ZNF266: variants seen among roughly 807,000 people sequenced by gnomAD.
ZNF266 encodes zinc finger protein 1.
A neutral mutation model predicts 16.4 loss-of-function variants in ZNF266; 16 were observed. The ratio of observed to expected loss-of-function variants is 0.98; its 90% CI spans 0.66 to 1.48. ZNF266 has a LOEUF of 1.48. Ranked by LOEUF, ZNF266 falls within the 40% of genes most tolerant of loss-of-function variation. The pLI is 0.00. For synonymous variants in ZNF266, 262 were observed against 237.9 expected (o/e 1.10, Z -0.93); for missense variants, 738 against 689.1 (o/e 1.07, Z -0.79).
chr19:9,414,684 TAAC>T lies in ZNF266; in HGVS notation c.439_441del (p.Val147del). On this transcript the variant is annotated inframe_deletion, in exon 11 of 11. Coordinates refer to ENST00000592904, the MANE Select transcript of ZNF266 (RefSeq NM_001370374.1). Reference sequence around the variant, plus strand: ...TCACTGGAGACATCTCCACATTGCTTAACATCACTGACCTCCCCTCCGTTGTGG... The same window carrying T: ...TCACTGGAGACATCTCCACATTGCTTATCACTGACCTCCCCTCCGTTGTGG... The T allele has an allele frequency of 6.3e-7, 1 of 1,588,390 alleles. No homozygotes were observed. The highest frequency in any genetic ancestry group is 8.6e-7 in the Non-Finnish European group (1 of 1,160,500).
intron 5 of ZNF266, among the ~76,000 whole-genome samples, chr19:9,430,671 A>G (rs528345771): frequency 2.6e-5 from 4 of 152,294 alleles, no homozygotes; most frequent in African/African-American, 9.6e-5. Context: ...TGTTTGTGAC[A>G]TAGCCTACTT....
chr19:9,427,877 T>A (rs2070995399), intron 5 of ZNF266, among the ~76,000 whole-genome samples: 1 of 152,206 alleles, frequency 6.6e-6, no homozygotes, highest in Non-Finnish European at 1.5e-5. Flanking sequence ...TATCTTTTAG[T>A]AATTTTTGGG....
intron 9 of ZNF266, among the ~76,000 whole-genome samples, chr19:9,416,566 G>T (rs1233891897): frequency 6.8e-6 from 1 of 146,988 alleles, no homozygotes; most frequent in Non-Finnish European, 1.5e-5. Flanking sequence ...GTTTCAGCAT[G>T]TTGGCCATGC....
chr19:9,423,841 C>T lies in ZNF266; in HGVS notation c.-129-3623G>A, dbSNP rs563022861. On this transcript the variant is annotated intron_variant, in intron 5 of 10. Coordinates refer to ENST00000592904, the MANE Select transcript of ZNF266 (RefSeq NM_001370374.1). ...TGAAACCCCGTCTCTACTAAAAACA[C>T]GAAAAATTAGCTGGGCGTGGTGACA... Among the ~76,000 whole-genome samples the T allele has an allele frequency of 5.9e-5, 9 of 152,118 alleles. No individual in the cohort carries two copies. In the South Asian group the frequency reaches 6.2e-4, roughly 11 times the overall value.
chr19:9,428,557 T>C (rs2071112327), intron 5 of ZNF266, among the ~76,000 whole-genome samples: 1 of 152,194 alleles, frequency 6.6e-6, no homozygotes, highest in Non-Finnish European at 1.5e-5. Flanking sequence ...TTAGCCAGGA[T>C]GTCCCTAATA....
At chr19:9,421,849 CTTTCTTTT>C (rs1450699904) in intron 5 of ZNF266, among the ~76,000 whole-genome samples, 1 of 28,484 alleles carries the variant, frequency 3.5e-5, no homozygotes, top group Non-Finnish European at 7.8e-5. Flanking sequence ...GCAACAAAAC[CTTTCTTTT>C]TTTTTTTCTT....
intron 5 of ZNF266, among the ~76,000 whole-genome samples, chr19:9,433,098 T>A (rs1178574460): frequency 1.3e-5 from 2 of 152,218 alleles, no homozygotes; most frequent in African/African-American, 2.4e-5. Flanking sequence ...ATCTTTGGCA[T>A]GTGGGAAGAA....
chr19:9,431,577 G>A (rs1394356937), intron 5 of ZNF266, among the ~76,000 whole-genome samples: 1 of 152,160 alleles, frequency 6.6e-6, no homozygotes, highest in South Asian at 2.1e-4. Flanking sequence ...GTGCCCCAGA[G>A]GTGTGTTTGT....
chr19:9,432,226 T>G (rs1195128579), intron 5 of ZNF266, among the ~76,000 whole-genome samples: 2 of 152,242 alleles, frequency 1.3e-5, no homozygotes, highest in Non-Finnish European at 2.9e-5. Context: ...CCCAAAGTGT[T>G]GGGATTACAG....
intron 5 of ZNF266, among the ~76,000 whole-genome samples, chr19:9,429,759 C>T (rs1361979611): frequency 6.6e-6 from 1 of 152,102 alleles, no homozygotes; most frequent in Non-Finnish European, 1.5e-5. Context: ...AATGTGCACA[C>T]CCACATACCC....
At chr19:9,420,015 G>C (rs2069623019) in intron 6 of ZNF266, 50 bp downstream of exon 6, 2 of 153,092 alleles carry the variant, frequency 1.3e-5, no homozygotes, top group African/African-American at 4.8e-5. Flanking sequence ...ACTGTGTGGG[G>C]GGGGACACCT....
In ZNF266 at chr19:9,412,597, A is replaced by C. The variant is rs1164762150; in HGVS notation, c.*678T>G. Reference sequence around the variant, plus strand: ...GCTGTACAAAATAACAGACTGAATGATTTAACCAAGAGAAATTTATTGCCT... The same window carrying C: ...GCTGTACAAAATAACAGACTGAATGCTTTAACCAAGAGAAATTTATTGCCT... On this transcript the variant is annotated 3_prime_UTR_variant, in exon 11 of 11. Coordinates refer to ENST00000592904, the MANE Select transcript of ZNF266 (RefSeq NM_001370374.1). 6.6e-6 allele frequency: 1 copy of C among 152,236 alleles called. No individual in the cohort carries two copies. The highest frequency in any genetic ancestry group is 1.5e-5 in the Non-Finnish European group (1 of 68,058). The allele number at this position is 152,236 out of a possible 1,614,324, so 9.4% of individuals were successfully genotyped here. A position where few individuals can be genotyped will look rare whatever the true frequency, so the allele number is the denominator to read the frequency against.
At chr19:9,432,086 G>T (rs1014685116) in intron 5 of ZNF266, among the ~76,000 whole-genome samples, 21 of 152,090 alleles carry the variant, frequency 1.4e-4, no homozygotes, top group Admixed American at 5.9e-4. Context: ...CTCTCAAGTG[G>T]CTGGGATTAC....
intron 5 of ZNF266, among the ~76,000 whole-genome samples, chr19:9,423,728 G>A (rs772697021): frequency 9.9e-5 from 15 of 152,160 alleles, no homozygotes; most frequent in Non-Finnish European, 1.8e-4. Context: ...AGGCGCGGTG[G>A]CTCATGCCTG....
intron 5 of ZNF266, among the ~76,000 whole-genome samples, chr19:9,424,018 AT>A (rs897528339): frequency 7.9e-5 from 12 of 152,130 alleles, no homozygotes; most frequent in Admixed American, 2.6e-4. Context: ...AAAAAATAGA[AT>A]TGATGGGTGA....
intron 5 of ZNF266, among the ~76,000 whole-genome samples, chr19:9,432,037 C>T (rs1209893295): frequency 6.6e-6 from 1 of 152,158 alleles, no homozygotes; most frequent in Non-Finnish European, 1.5e-5. Flanking sequence ...CTCACTGCAG[C>T]CTTCACCTCC....
Position 9,414,630 on chromosome 19 carries a change from T to A in ZNF266, c.496A>T (p.Thr166Ser). 1 of 1,609,448 alleles carries A rather than the reference T, an allele frequency of 6.2e-7. No homozygotes were observed. The highest frequency in any genetic ancestry group is 8.5e-7 in the Non-Finnish European group (1 of 1,175,958). The change falls in exon 11 of 11, where the codon ACT becomes TCT. Residue 166 changes from threonine to serine, a missense_variant. Coordinates refer to ENST00000592904, the MANE Select transcript of ZNF266 (RefSeq NM_001370374.1). ...TCAAATGTGTTCTCACTATTTTGAG[T>A]TCTCACATGTGTCTTAAGGCATGAG... ...EHSCLKTHVR[T>S]QNSENTFECY...
chr19:9,419,608 G>A (rs1259584812), intron 6 of ZNF266: 3 of 152,240 alleles, frequency 2.0e-5, no homozygotes, highest in Non-Finnish European at 4.4e-5. Flanking sequence ...GGGGGCTGAT[G>A]AAGTATTCTG....
At chr19:9,424,181 T>C (rs1599506353) in intron 5 of ZNF266, among the ~76,000 whole-genome samples, 2 of 150,284 alleles carry the variant, frequency 1.3e-5, no homozygotes, top group African/African-American at 4.9e-5. Flanking sequence ...AGACTGCCAC[T>C]TGGCCCTTTT....
Sources: allele counts gnomAD v4.1 joint callset (sites outside exome capture counted in the v4.1 genomes callset), GRCh38; gene constraint gnomAD v4.1.1; transcripts MANE v1.5; gene names NCBI Gene and HGNC (gene_info 2026-07-23, HGNC 2026-07-21).